TUSC7: variants seen among roughly 807,000 people sequenced by gnomAD.
TUSC7 encodes the protein tumor suppressor candidate 7.
intron 1 of TUSC7, among the ~76,000 whole-genome samples, chr3:116,714,857 T>C (rs1332920789): frequency 1.3e-5 from 2 of 152,148 alleles, no homozygotes; most frequent in Admixed American, 6.5e-5. Flanking sequence ...AGTCCATAGT[T>C]TGCATTAGGG....
At chr3:116,710,552 CCTTATTT>C (rs2051454717) in intron 1 of TUSC7, 2 of 151,988 alleles carry the variant, frequency 1.3e-5, no homozygotes, top group Non-Finnish European at 2.9e-5. Flanking sequence ...ATTTCCTATC[CCTTATTT>C]CTCTACTAAA....
chr3:116,714,372 A>G (rs2051487759), intron 1 of TUSC7, among the ~76,000 whole-genome samples: 1 of 152,176 alleles, frequency 6.6e-6, no homozygotes. Context: ...AAACAGTACC[A>G]TCTACTTAGA....
intron 1 of TUSC7, among the ~76,000 whole-genome samples, chr3:116,711,483 C>A (rs1394845691): frequency 6.6e-6 from 1 of 152,072 alleles, no homozygotes; most frequent in Non-Finnish European, 1.5e-5. Context: ...TTTTCTTTCT[C>A]CCACTTCAAG....
At chr3:116,716,818 T>C (rs2051512328) in intron 1 of TUSC7, 2 of 152,300 alleles carry the variant, frequency 1.3e-5, no homozygotes, top group South Asian at 4.1e-4. Context: ...CTTATGTTCT[T>C]CTTGCCGGAC....
chr3:116,716,106 G>A (rs1044801373), intron 1 of TUSC7: 1 of 152,100 alleles, frequency 6.6e-6, no homozygotes, highest in African/African-American at 2.4e-5. Context: ...GGTTTATATA[G>A]AGTTTCTATA....
At chr3:116,714,340 T>G (rs1413802506) in intron 1 of TUSC7, among the ~76,000 whole-genome samples, 2 of 152,214 alleles carry the variant, frequency 1.3e-5, no homozygotes, top group Admixed American at 6.6e-5. Context: ...GGCATGATGA[T>G]CTTTCTGAAA....
intron 1 of TUSC7, chr3:116,716,369 A>T (rs2051507627): frequency 6.6e-6 from 1 of 152,154 alleles, no homozygotes; most frequent in Non-Finnish European, 1.5e-5. Context: ...CATCAGTGGC[A>T]GTTTGGGGAG....
chr3:116,712,952 C>A (rs772058451), intron 1 of TUSC7: 1 of 152,008 alleles, frequency 6.6e-6, no homozygotes, highest in Non-Finnish European at 1.5e-5. Context: ...ATGCATTACA[C>A]CATCAAATTT....
chr3:116,711,935 T>G (rs2051466302), intron 1 of TUSC7, among the ~76,000 whole-genome samples: 2 of 152,266 alleles, frequency 1.3e-5, no homozygotes, highest in South Asian at 2.1e-4. Flanking sequence ...TGATGGAAAC[T>G]CTACATAAAT....
chr3:116,715,409 C>A (rs2051497471), intron 1 of TUSC7, among the ~76,000 whole-genome samples: 1 of 152,114 alleles, frequency 6.6e-6, no homozygotes, highest in African/African-American at 2.4e-5. Flanking sequence ...AAACTGTCTT[C>A]CAAAATGGCT....
At chr3:116,713,814 A>C (rs1449239549) in intron 1 of TUSC7, among the ~76,000 whole-genome samples, 1 of 152,146 alleles carries the variant, frequency 6.6e-6, no homozygotes, top group Non-Finnish European at 1.5e-5. Flanking sequence ...AAATATACAA[A>C]AATGAGCCGG....
chr3:116,712,491 A>G (rs1250815068), intron 1 of TUSC7: 1 of 152,190 alleles, frequency 6.6e-6, no homozygotes, highest in East Asian at 1.9e-4. Context: ...AACAAATTGG[A>G]TGGAATTCAG....
At chr3:116,713,951 A>C (rs767131336) in intron 1 of TUSC7, 3 of 152,228 alleles carry the variant, frequency 2.0e-5, no homozygotes, top group Non-Finnish European at 4.4e-5. Context: ...GGGTGATAAG[A>C]GCGAAAATCC....
chr3:116,710,287 G>A (rs1262060773), intron 1 of TUSC7: 1 of 152,146 alleles, frequency 6.6e-6, no homozygotes, highest in Non-Finnish European at 1.5e-5. Context: ...TTTACTGAAA[G>A]GGGTCTGCCA....
At chr3:116,715,610 A>T (rs1576302175) in intron 1 of TUSC7, among the ~76,000 whole-genome samples, 1 of 152,136 alleles carries the variant, frequency 6.6e-6, no homozygotes, top group Non-Finnish European at 1.5e-5. Flanking sequence ...TATTTGCCAT[A>T]TGTATATTTT....
At chr3:116,715,065 A>G (rs928427634) in intron 1 of TUSC7, among the ~76,000 whole-genome samples, 1 of 152,178 alleles carries the variant, frequency 6.6e-6, no homozygotes, top group East Asian at 1.9e-4. Flanking sequence ...CAGAATGTTA[A>G]TAGTTAGAAT....
At chr3:116,716,602 C>T (rs2051510544) in intron 1 of TUSC7, 2 of 152,204 alleles carry the variant, frequency 1.3e-5, no homozygotes, top group African/African-American at 4.8e-5. Context: ...CAACACCTGT[C>T]CATCAGACAA....
chr3:116,711,328 C>T (rs1401735642), intron 1 of TUSC7, among the ~76,000 whole-genome samples: 1 of 152,134 alleles, frequency 6.6e-6, no homozygotes, highest in East Asian at 1.9e-4. Context: ...AGTAGAGTAA[C>T]AGATGGGTTG....
chr3:116,714,428 T>C (rs1232255893), intron 1 of TUSC7, among the ~76,000 whole-genome samples: 1 of 152,206 alleles, frequency 6.6e-6, no homozygotes, highest in Admixed American at 6.5e-5. Context: ...TTTTTGAGCA[T>C]ATAAGTTCTT....
Sources: allele counts gnomAD v4.1 joint callset (sites outside exome capture counted in the v4.1 genomes callset), GRCh38; gene constraint gnomAD v4.1.1; transcripts MANE v1.5; gene names NCBI Gene and HGNC (gene_info 2026-07-23, HGNC 2026-07-21).